NXPH1: variants seen among roughly 807,000 people sequenced by gnomAD.
The protein encoded by NXPH1 is neurexophilin 1.
A neutral mutation model predicts 23.7 loss-of-function variants in NXPH1; 5 were observed. That is an observed-to-expected ratio of 0.21 (90% CI 0.11 to 0.44). NXPH1 has a LOEUF of 0.44. NXPH1 is among the 20% of genes least tolerant of loss of function. The probability of loss-of-function intolerance (pLI) is 0.99; values close to 1 mark genes in which losing one functional copy is unlikely to be tolerated. For synonymous variants in NXPH1, 144 were observed against 122.2 expected (o/e 1.18, Z -1.18); for missense variants, 324 against 321.6 (o/e 1.01, Z -0.06).
At chr7:8,436,888 C>G (rs1476065126) in intron 2 of NXPH1, among the ~76,000 whole-genome samples, 1 of 152,212 alleles carries the variant, frequency 6.6e-6, no homozygotes, top group African/African-American at 2.4e-5. Context: ...CTACAATTGA[C>G]AGCGTTTCTC....
chr7:8,655,460 A>C (rs2115156515), intron 2 of NXPH1, among the ~76,000 whole-genome samples: 1 of 132,078 alleles, frequency 7.6e-6, no homozygotes, highest in East Asian at 2.7e-4. Context: ...ATACACACAC[A>C]CACACACACA....
chr7:8,604,172 T>C (rs1162644239), intron 2 of NXPH1, among the ~76,000 whole-genome samples: 1 of 152,198 alleles, frequency 6.6e-6, no homozygotes, highest in Admixed American at 6.5e-5. Context: ...CATGTACTAC[T>C]TGGTACATTT....
At chr7:8,647,449 C>A (rs996959874) in intron 2 of NXPH1, among the ~76,000 whole-genome samples, 1 of 152,030 alleles carries the variant, frequency 6.6e-6, no homozygotes, top group African/African-American at 2.4e-5. Flanking sequence ...GAAGACAGCC[C>A]CCAGTGCCAG....
At chr7:8,458,855 C>G (rs1487735719) in intron 2 of NXPH1, among the ~76,000 whole-genome samples, 1 of 152,112 alleles carries the variant, frequency 6.6e-6, no homozygotes, top group African/African-American at 2.4e-5. Flanking sequence ...TTGAAATGAT[C>G]TTGATAGAAG....
intron 2 of NXPH1, among the ~76,000 whole-genome samples, chr7:8,617,641 G>C (rs1197583494): frequency 6.6e-6 from 1 of 152,048 alleles, no homozygotes; most frequent in Non-Finnish European, 1.5e-5. Context: ...GAGTAGAATG[G>C]ATCAGAGGCT....
chr7:8,510,915 G>A (rs1817601657), intron 2 of NXPH1, among the ~76,000 whole-genome samples: 1 of 152,046 alleles, frequency 6.6e-6, no homozygotes, highest in Non-Finnish European at 1.5e-5. Flanking sequence ...TCCATTGGAA[G>A]TTTCCATTTA....
intron 2 of NXPH1, among the ~76,000 whole-genome samples, chr7:8,474,787 T>G (rs1482262359): frequency 6.6e-6 from 1 of 152,092 alleles, no homozygotes; most frequent in Non-Finnish European, 1.5e-5. Context: ...CAACCTCACT[T>G]TTATACCCCT....
At chr7:8,618,376 C>T (rs945653774) in intron 2 of NXPH1, among the ~76,000 whole-genome samples, 8 of 152,120 alleles carry the variant, frequency 5.3e-5, no homozygotes, top group African/African-American at 1.9e-4. Flanking sequence ...ATCAAAATAG[C>T]CATTGAATGC....
At chr7:8,466,591 T>C (rs1020899750) in intron 2 of NXPH1, among the ~76,000 whole-genome samples, 1 of 152,204 alleles carries the variant, frequency 6.6e-6, no homozygotes, top group Non-Finnish European at 1.5e-5. Context: ...GAAGGGACAT[T>C]GTAAATTAAC....
chr7:8,599,238 A>T (rs1351137490), intron 2 of NXPH1, among the ~76,000 whole-genome samples: 2 of 152,116 alleles, frequency 1.3e-5, no homozygotes, highest in Non-Finnish European at 2.9e-5. Flanking sequence ...TGAGAAGGAT[A>T]GTTATAGGTG....
At chr7:8,686,197 T>G (rs1275431721) in intron 2 of NXPH1, among the ~76,000 whole-genome samples, 1 of 152,200 alleles carries the variant, frequency 6.6e-6, no homozygotes, top group Non-Finnish European at 1.5e-5. Context: ...TTAGCAAACA[T>G]GCCTGATATT....
chr7:8,667,127 A>G (rs10244684), intron 2 of NXPH1, among the ~76,000 whole-genome samples: 9,921 of 152,034 alleles, frequency 0.065, 703 homozygotes, highest in East Asian at 0.25. Context: ...CCACAGTTTA[A>G]TTTTTTAATT....
intron 2 of NXPH1, among the ~76,000 whole-genome samples, chr7:8,572,073 C>T (rs1003412016): frequency 6.6e-6 from 1 of 151,834 alleles, no homozygotes; most frequent in Admixed American, 6.6e-5. Context: ...ACAGGACACC[C>T]AGTTAAATCT....
chr7:8,499,434 A>T (rs1259596522), intron 2 of NXPH1, among the ~76,000 whole-genome samples: 1 of 152,024 alleles, frequency 6.6e-6, no homozygotes, highest in South Asian at 2.1e-4. Flanking sequence ...AACAGCAGAG[A>T]TCCCAGCTGA....
intron 2 of NXPH1, among the ~76,000 whole-genome samples, chr7:8,471,015 T>C (rs1563319978): frequency 6.6e-6 from 1 of 152,046 alleles, no homozygotes; most frequent in Non-Finnish European, 1.5e-5. Flanking sequence ...AATTGGAACT[T>C]CTTGGGTTTC....
chr7:8,581,285 G>C (rs1818865785), intron 2 of NXPH1, among the ~76,000 whole-genome samples: 1 of 152,130 alleles, frequency 6.6e-6, no homozygotes, highest in Non-Finnish European at 1.5e-5. Context: ...AGAACTACCT[G>C]AGACTGGGTA....
At chr7:8,462,672 T>C (rs1431724942) in intron 2 of NXPH1, among the ~76,000 whole-genome samples, 1 of 152,200 alleles carries the variant, frequency 6.6e-6, no homozygotes, top group Non-Finnish European at 1.5e-5. Context: ...TCAGAGAAAA[T>C]GCTGATCCCA....
intron 2 of NXPH1, among the ~76,000 whole-genome samples, chr7:8,489,994 T>C (rs1468809787): frequency 6.6e-6 from 1 of 152,058 alleles, no homozygotes; most frequent in Non-Finnish European, 1.5e-5. Flanking sequence ...ACACTCAAGT[T>C]CTGCGGTATC....
chr7:8,621,746 A>C (rs372288693), intron 2 of NXPH1, among the ~76,000 whole-genome samples: 3 of 152,286 alleles, frequency 2.0e-5, no homozygotes, highest in South Asian at 2.1e-4. Flanking sequence ...TTGGCCTCCC[A>C]AGGTGCTGGG....
Sources: gnomAD v4.1 joint callset for allele counts (sites outside exome capture counted in the v4.1 genomes callset) on GRCh38, gnomAD v4.1.1 for gene constraint, MANE v1.5 for transcripts, NCBI Gene and HGNC (gene_info 2026-07-23, HGNC 2026-07-21) for gene names.